Variants in CCDC57 observed in about 807,000 individuals in gnomAD.
The protein encoded by CCDC57 is coiled-coil domain-containing protein 57.
A neutral mutation model predicts 118.9 loss-of-function variants in CCDC57; 118 were observed. The observed-to-expected ratio is 0.99, with a 90% CI of 0.86 to 1.16. The LOEUF is 1.16. Among genes scored for constraint, CCDC57 ranks in the 50% most tolerant of loss-of-function variants. The pLI is 0.00. For missense variants in CCDC57, 1,300 were observed against 1,320.7 expected, an observed-to-expected ratio of 0.98 and a Z score of 0.24; for synonymous variants, 527 against 532.9, an observed-to-expected ratio of 0.99 and a Z score of 0.15.
At chr17:82,195,357 A>G (rs1333611521) in exon 5 of CCDC57, 4 of 1,590,886 alleles carry the variant, frequency 2.5e-6, no homozygotes, top group Non-Finnish European at 3.4e-6. Flanking sequence ...AAACTCCAGC[A>G]GCAGTTCCTG....
chr17:82,194,061 C>T (rs1599370690), exon 6 of CCDC57: 1 of 1,613,910 alleles, frequency 6.2e-7, no homozygotes. Flanking sequence ...GCGTTGGTGG[C>T]CTCTGCCCTC....
chr17:82,138,103 C>T lies in CCDC57; in HGVS notation c.2456-3909G>A, dbSNP rs369634755. ...GTACAAGGTGGGGTGTGGTGGCATG[C>T]GCTTGTGGTCCCAGCTACTTGGGAG... On this transcript the variant is annotated intron_variant, in intron 16 of 19. Coordinates refer to ENST00000665763, the Ensembl canonical transcript of CCDC57. Among the ~76,000 whole-genome samples the T allele has an allele frequency of 8.7e-5, 13 of 149,716 alleles. No individual in the cohort carries two copies. The East Asian group carries it at 1.2e-3, about 14-fold the overall frequency.
At chr17:82,109,933 A>G (rs1162332949) in intron 19 of CCDC57, among the ~76,000 whole-genome samples, 5 of 152,034 alleles carry the variant, frequency 3.3e-5, no homozygotes, top group African/African-American at 1.2e-4. Context: ...AGTAAAAATT[A>G]AAAAATAAAA....
intron 6 of CCDC57, 74 bp downstream of exon 5, chr17:82,193,908 G>A: frequency 6.4e-7 from 1 of 1,571,264 alleles, no homozygotes; most frequent in East Asian, 2.3e-5. Context: ...AGAAAAGGTA[G>A]AATCCCCCAG....
At chr17:82,146,369 T>A (rs1179858198) in intron 16 of CCDC57, among the ~76,000 whole-genome samples, 1 of 152,122 alleles carries the variant, frequency 6.6e-6, no homozygotes, top group Non-Finnish European at 1.5e-5. Flanking sequence ...TCATCTTTTT[T>A]ATTTTTTTAA....
At chr17:82,201,629 G>C (rs370360978) in exon 3 of CCDC57, 4 of 1,613,642 alleles carry the variant, frequency 2.5e-6, no homozygotes, top group Non-Finnish European at 3.4e-6. Flanking sequence ...TCTCTGGCTA[G>C]CGCCTGCCTC....
chr17:82,199,464 C>A (rs1244663443), intron 3 of CCDC57, among the ~76,000 whole-genome samples: 2 of 46,274 alleles, frequency 4.3e-5, no homozygotes, highest in Non-Finnish European at 8.1e-5. Context: ...GGCGACAGAG[C>A]AAGACTCTGT....
intron 11 of CCDC57, among the ~76,000 whole-genome samples, chr17:82,173,505 C>T (rs892523814): frequency 4.6e-5 from 7 of 152,072 alleles, no homozygotes; most frequent in Admixed American, 3.3e-4. Context: ...CAGATGAACG[C>T]AAAGACAGGA....
At chr17:82,151,693 G>A (rs1467707748) in exon 16 of CCDC57, 5 of 1,550,262 alleles carry the variant, frequency 3.2e-6, no homozygotes, top group Non-Finnish European at 4.4e-6. Flanking sequence ...ATAAGGTCTG[G>A]GGGGCACGTG....
chr17:82,163,403 G>A (rs754923402), intron 13 of CCDC57, 46 bp from the exon 13 acceptor site: 1 of 1,599,618 alleles, frequency 6.3e-7, no homozygotes, highest in Non-Finnish European at 8.6e-7. Flanking sequence ...GAGAACAAAG[G>A]AAGACCTTTC....
chr17:82,199,403 C>T (rs968240788), intron 3 of CCDC57, among the ~76,000 whole-genome samples: 7 of 146,420 alleles, frequency 4.8e-5, no homozygotes, highest in South Asian at 2.1e-4. Flanking sequence ...CCTTGAACCC[C>T]GGAGGCAGAG....
intron 16 of CCDC57, among the ~76,000 whole-genome samples, chr17:82,144,477 C>T (rs2145643647): frequency 6.6e-6 from 1 of 152,288 alleles, no homozygotes; most frequent in South Asian, 2.1e-4. Flanking sequence ...AAGTCCATTT[C>T]CCTTTTCTCT....
At chr17:82,128,034 T>C in intron 18 of CCDC57, 126 bp from the exon 18 acceptor site, 1 of 1,401,668 alleles carries the variant, frequency 7.1e-7, no homozygotes, top group East Asian at 2.5e-5. Flanking sequence ...CCCAGGCAGA[T>C]GCTCCCAGGA....
exon 3 of CCDC57, chr17:82,201,852 C>T: frequency 6.2e-7 from 1 of 1,613,472 alleles, no homozygotes; most frequent in Non-Finnish European, 8.5e-7. Flanking sequence ...CCGCCTCCTG[C>T]AGCTGGGTGC....
chr17:82,130,900 C>T, intron 17 of CCDC57, among the ~76,000 whole-genome samples: 1 of 151,088 alleles, frequency 6.6e-6, no homozygotes, highest in South Asian at 2.1e-4. Flanking sequence ...CAACCTCTGC[C>T]TCCTAGGTTC....
At chr17:82,151,177 A>T (rs376846133) in intron 16 of CCDC57, among the ~76,000 whole-genome samples, 932 of 61,246 alleles carry the variant, frequency 0.015, no homozygotes, top group Non-Finnish European at 0.022. Flanking sequence ...ACCCAGAACC[A>T]GGCGCACACC....
chr17:82,184,014 C>T, intron 8 of CCDC57, 82 bp from the exon 8 acceptor site: 1 of 789,630 alleles, frequency 1.3e-6, no homozygotes, highest in Non-Finnish European at 2.0e-6. Context: ...AGCAAATACA[C>T]ATGCGCGCGC....
intron 15 of CCDC57, 30 bp downstream of exon 14, chr17:82,157,718 G>T (rs539968252): frequency 6.4e-7 from 1 of 1,554,384 alleles, no homozygotes; most frequent in East Asian, 2.4e-5. Flanking sequence ...GAACCTCGGC[G>T]GGTGGCAGGA....
At chr17:82,151,635 T>C in exon 16 of CCDC57, 1 of 1,550,386 alleles carries the variant, frequency 6.5e-7, no homozygotes, top group South Asian at 1.2e-5. Context: ...CGGAGGCTGA[T>C]GATTTTTCTG....
Sources: allele counts gnomAD v4.1 joint callset (sites outside exome capture counted in the v4.1 genomes callset), GRCh38; gene constraint gnomAD v4.1.1; transcripts MANE v1.5; gene names NCBI Gene and HGNC (gene_info 2026-07-23, HGNC 2026-07-21).